The following PTPRH variants were observed in gnomAD, a reference collection of about 807,000 sequenced individuals.
The protein encoded by PTPRH is receptor-type tyrosine-protein phosphatase H.
PTPRH carries 113 observed loss-of-function variants against 130.2 expected under a neutral mutation model. The ratio of observed to expected loss-of-function variants is 0.87; its 90% CI spans 0.75 to 1.01. The LOEUF (loss-of-function observed/expected upper bound fraction) is 1.01, where lower values mean the gene tolerates loss of function less well. PTPRH is among the 50% of genes least tolerant of loss of function. The pLI is 0.00. For missense variants in PTPRH, 1,430 were observed against 1,425.0 expected (o/e 1.00, Z -0.06); for synonymous variants, 556 against 577.9 (o/e 0.96, Z 0.54).
chr19:55,186,114 C>T (rs1266565461), intron 16 of PTPRH, 111 bp downstream of exon 16: 5 of 1,573,196 alleles, frequency 3.2e-6, no homozygotes, highest in Admixed American at 3.5e-5. Context: ...ACTGAAGACG[C>T]CTGGGGTTAC....
At position 55,204,026 on chromosome 19, in the gene PTPRH, C is replaced by T. The variant is rs1324242517; in HGVS notation, c.642G>A (p.Leu214=). Residue 214 remains leucine (L), a synonymous_variant, in exon 5 of 20, where the codon CTG becomes CTA. Transcript: ENST00000376350. ...ATTAHNPVRN[L]RVEAQTTSSI... is the part of the protein sequence containing the mutation. Reference sequence around the variant, plus strand: ...AGCTGGTGGTCTGAGCCTCCACTCTCAGGTTCCTCACTGGGTTGTGAGCTG... The same window carrying T: ...AGCTGGTGGTCTGAGCCTCCACTCTTAGGTTCCTCACTGGGTTGTGAGCTG... The T allele has an allele frequency of 1.9e-6, 3 of 1,613,908 alleles. No homozygotes were observed.
intron 1 of PTPRH, among the ~76,000 whole-genome samples, chr19:55,207,537 G>C (rs1300564158): frequency 1.3e-5 from 2 of 152,372 alleles, no homozygotes; most frequent in East Asian, 1.9e-4. Context: ...AAAAAACCAA[G>C]GTTGGGGATC....
At chr19:55,182,229 G>C in intron 18 of PTPRH, 78 bp from the exon 19 acceptor site, 1 of 1,483,188 alleles carries the variant, frequency 6.7e-7, no homozygotes, top group South Asian at 1.2e-5. Flanking sequence ...GGAGGGATCT[G>C]TGTTTGAATG....
In PTPRH at chr19:55,198,723, G is replaced by C. The variant is rs751863976; in HGVS notation, c.1610C>G (p.Ala537Gly). 23 of 1,614,018 alleles carry C rather than the reference G, an allele frequency of 1.4e-5. No individual in the cohort carries two copies. The African/African-American group carries it at 2.8e-4, about 20-fold the overall frequency. Residue 537 changes from alanine (A) to glycine (G), a missense_variant, in exon 8 of 20, where the codon GCT becomes GGT. Ala to Gly is a moderately conservative substitution (Grantham distance 60). Transcript: ENST00000376350. ...GTDITLKELE[A>G]GSLYHLTVWA... is the part of the protein sequence containing the mutation. ...GACGGTGAGGTGGTACAGGCTGCCA[G>C]CTTCCAGTTCCTTTAGGGTGATGTC...
In PTPRH at chr19:55,190,756, C is replaced by T. The variant is rs972308395; in HGVS notation, c.2384+745G>A. Among the ~76,000 whole-genome samples, 5 of 150,378 alleles carry T rather than the reference C, an allele frequency of 3.3e-5. No homozygotes were observed. In the South Asian group the frequency reaches 6.3e-4, roughly 19 times the overall value. On this transcript the variant is annotated intron_variant, in intron 12 of 19. Transcript: ENST00000376350. ...GTGATTCTCCTGCCCCAGCCACCTGCGTAGCTGGGATTACAGGCGTGAGCC... is the reference window on the plus strand; with the variant it reads ...GTGATTCTCCTGCCCCAGCCACCTGTGTAGCTGGGATTACAGGCGTGAGCC...
intron 10 of PTPRH, chr19:55,194,416 G>C: frequency 9.5e-7 from 1 of 1,053,366 alleles, no homozygotes; most frequent in Non-Finnish European, 1.2e-6. Context: ...TGTTCTCTCA[G>C]GGATCCTTGT....
At chr19:55,182,561 A>G (rs1223986430) in intron 18 of PTPRH, among the ~76,000 whole-genome samples, 1 of 152,106 alleles carries the variant, frequency 6.6e-6, no homozygotes, top group Non-Finnish European at 1.5e-5. Flanking sequence ...AACTGCCTGG[A>G]GTTCCTTCCA....
At chr19:55,203,737 T>C (rs2086947707) in intron 5 of PTPRH, 45 bp downstream of exon 5, 2 of 1,563,566 alleles carry the variant, frequency 1.3e-6, no homozygotes, top group Non-Finnish European at 1.7e-6. Context: ...CCCCTACCAC[T>C]GTCCTTATAA....
chr19:55,187,122 G>A (rs2147395036), intron 14 of PTPRH, among the ~76,000 whole-genome samples: 1 of 151,154 alleles, frequency 6.6e-6, no homozygotes, highest in Admixed American at 6.6e-5. Context: ...GAGGCGGGCA[G>A]ATCACAAGGT....
In PTPRH at chr19:55,189,003, C is replaced by T. The variant is rs2086447514; in HGVS notation, c.2385-835G>A. 2.6e-5 allele frequency among the ~76,000 whole-genome samples: 4 copies of T among 152,060 alleles called. No homozygotes were observed. The South Asian group carries it at 6.2e-4, about 24-fold the overall frequency. On this transcript the variant is annotated intron_variant, in intron 12 of 19. Coordinates refer to ENST00000376350, the MANE Select transcript of PTPRH (RefSeq NM_002842.5). The stretch of plus-strand genomic sequence containing the variant: ...TTTCTTTCTTTTTCTTTTCCTTTTC[C>T]GAGAAAGAGTCTCATCCTGTCGCCC...
At chr19:55,200,210 A>G (rs761280660) in intron 7 of PTPRH, 26 bp downstream of exon 7, 1 of 1,611,666 alleles carries the variant, frequency 6.2e-7, no homozygotes, top group East Asian at 2.2e-5. Flanking sequence ...TCACCAAAAC[A>G]GGGAGTGGCC....
In PTPRH at chr19:55,182,080, A is replaced by T. The variant is rs1419652668; in HGVS notation, c.3134T>A (p.Leu1045His). The T allele has an allele frequency of 1.9e-5, 30 of 1,614,122 alleles. No individual in the cohort carries two copies. Among genetic ancestry groups the T allele is most frequent in the Non-Finnish European group, 2.2e-5 (26 of 1,180,028 alleles). Residue 1045 changes from leucine (L) to histidine (H), a missense_variant, in exon 19 of 20, where the codon CTC becomes CAC. Physicochemically the swap from Leu to His is moderately conservative, Grantham distance 99. Transcript: ENST00000376350. ...VLLRQLQSEGLLGPFSFVRKM... is the reference protein window; with the variant it reads ...VLLRQLQSEGHLGPFSFVRKM... ...CCTTACAAAGCTGAAGGGCCCAAGG[A>T]GACCCTCGGACTGCAGCTGCCGGAG...
chr19:55,181,682 C>T lies in PTPRH; in HGVS notation c.*72G>A, dbSNP rs1010063496. ...TCTGGGAGCCCAGCCCTCTGCTCTT[C>T]CAGGAATCTGGGCTCAAGTGGGTGT... On this transcript the variant is annotated 3_prime_UTR_variant, in exon 20 of 20. Coordinates refer to ENST00000376350, the MANE Select transcript of PTPRH (RefSeq NM_002842.5). 2 of 1,589,534 alleles carry T rather than the reference C, an allele frequency of 1.3e-6. No homozygotes were observed. Among genetic ancestry groups the T allele is most frequent in the Admixed American group, 3.4e-5 (2 of 59,322 alleles).
intron 6 of PTPRH, 60 bp from the exon 7 acceptor site, chr19:55,200,562 G>A: frequency 6.5e-7 from 1 of 1,548,480 alleles, no homozygotes; most frequent in Non-Finnish European, 8.8e-7. Flanking sequence ...CGGGGCAGGA[G>A]TGGGCCCCTC....
chr19:55,195,762 G>T (rs1000576466), intron 10 of PTPRH, among the ~76,000 whole-genome samples: 1 of 151,918 alleles, frequency 6.6e-6, no homozygotes, highest in African/African-American at 2.4e-5. Context: ...GTAGAGATGG[G>T]GTCTCACTCT....
chr19:55,186,514 G>C lies in PTPRH; in HGVS notation c.2593C>G (p.Pro865Ala), dbSNP rs1215887834. 1 of 1,513,186 alleles carries C rather than the reference G, an allele frequency of 6.6e-7. No individual in the cohort carries two copies. Among genetic ancestry groups the C allele is most frequent in the Admixed American group, 2.0e-5 (1 of 50,068 alleles). The allele number at this position is 1,513,186 out of a possible 1,614,324, so 93.7% of individuals were successfully genotyped here. The change falls in exon 15 of 20, where the codon CCC (proline) becomes GCC (alanine). Residue 865 changes from proline (P) to alanine (A), a missense_variant. Physicochemically the swap from Pro to Ala is conservative, Grantham distance 27 (BLOSUM62 -1). Coordinates refer to ENST00000376350, the MANE Select transcript of PTPRH (RefSeq NM_002842.5). ...PYDWSRVPLK[P>A]IHEEPGSDYI... ...TCAGAGCCTGGCTCCTCATGGATGG[G>C]CTTCAGGGGCACCCGGGACCAGTCA...
Position 55,198,827 on chromosome 19 carries a change from G to A in PTPRH, c.1506C>T (p.Gly502=). The part of the protein sequence containing the change: ...ALRWTAPQGP[G]QSSYSYWVSW... ...AGACCCAGTAGCTGTAGGAAGACTG[G>A]CCTGGGCCCTGGGGAGCTGTCCAGC... The change falls in exon 8 of 20, where the codon GGC becomes GGT. Residue 502 remains glycine (G), a synonymous_variant. Coordinates refer to ENST00000376350, the MANE Select transcript of PTPRH (RefSeq NM_002842.5). 1 of 1,606,494 alleles carries A rather than the reference G, an allele frequency of 6.2e-7. No individual in the cohort carries two copies. The highest frequency in any genetic ancestry group is 8.5e-7 in the Non-Finnish European group (1 of 1,175,608).
At chr19:55,204,189 G>T (rs45504594) in intron 4 of PTPRH, 141 bp from the exon 5 acceptor site, 154 of 940,846 alleles carry the variant, frequency 1.6e-4, no homozygotes, top group Non-Finnish European at 2.1e-5. Context: ...GCACGATCTC[G>T]GCTCACCACA....
chr19:55,187,564 C>G lies in PTPRH; in HGVS notation c.2515G>C (p.Ala839Pro), dbSNP rs1228330263. The change falls in exon 14 of 20, where the codon GCT becomes CCT. Residue 839 changes from alanine (A) to proline (P), a missense_variant. Coordinates refer to ENST00000376350, the MANE Select transcript of PTPRH (RefSeq NM_002842.5). Reference protein sequence around the residue: ...LVGHSQSQMVASASENNAKNR... With the variant: ...LVGHSQSQMVPSASENNAKNR... ...TTGGCGTTGTTCTCTGAAGCCGAAG[C>G]CACCATCTGAGACTGGCTGTGGCCC... is the stretch of plus-strand genomic sequence containing the variant. 6 of 1,613,246 alleles carry G rather than the reference C, an allele frequency of 3.7e-6. No individual in the cohort carries two copies. In the African/African-American group the frequency reaches 5.4e-5, roughly 14 times the overall value.
Sources: allele counts gnomAD v4.1 joint callset (sites outside exome capture counted in the v4.1 genomes callset), GRCh38; gene constraint gnomAD v4.1.1; transcripts MANE v1.5; gene names NCBI Gene and HGNC (gene_info 2026-07-23, HGNC 2026-07-21).